The following RSF1 variants were observed in gnomAD, a reference collection of about 807,000 sequenced individuals.
RSF1 encodes HBV pX-associated protein 8.
A neutral mutation model predicts 145.2 loss-of-function variants in RSF1; 13 were observed. That is an observed-to-expected ratio of 0.09 (90% CI 0.06 to 0.14). RSF1 has a LOEUF of 0.14. Among genes scored for constraint, RSF1 ranks in the 10% least tolerant of loss-of-function variants. The pLI is 1.00. For missense variants in RSF1, 1,517 were observed against 1,718.2 expected (o/e 0.88, Z 2.07); for synonymous variants, 577 against 592.6 (o/e 0.97, Z 0.38).
intron 8 of RSF1, among the ~76,000 whole-genome samples, 198 bp from the exon 9 acceptor site, chr11:77,691,436 CACGTTAAAGAAACAT>C (rs1461860298): frequency 6.6e-6 from 1 of 152,126 alleles, no homozygotes; most frequent in Non-Finnish European, 1.5e-5. Flanking sequence ...AAATAAAGCA[CACGTTAAAGAAACAT>C]ACAGCTTTGC....
intron 8 of RSF1, chr11:77,691,611 A>T (rs560410571): frequency 6.2e-6 from 1 of 162,382 alleles, no homozygotes; most frequent in South Asian, 1.9e-4. Context: ...ACGATATAAC[A>T]TAATGATGCC....
At chr11:77,692,862 GAGAC>G (rs1466612225) in intron 8 of RSF1, among the ~76,000 whole-genome samples, 1 of 151,920 alleles carries the variant, frequency 6.6e-6, no homozygotes, top group Non-Finnish European at 1.5e-5. Context: ...ATTTTTAGTA[GAGAC>G]AGAGTTTCAC....
intron 3 of RSF1, among the ~76,000 whole-genome samples, chr11:77,743,836 T>TAA (rs1947968549): frequency 1.3e-5 from 2 of 152,344 alleles, no homozygotes; most frequent in South Asian, 4.1e-4. Flanking sequence ...TGGGTACATG[T>TAA]AAGCTGAGGG....
At chr11:77,803,290 G>C (rs997772878) in intron 1 of RSF1, among the ~76,000 whole-genome samples, 2 of 152,082 alleles carry the variant, frequency 1.3e-5, no homozygotes, top group Non-Finnish European at 2.9e-5. Context: ...CAGGACTACA[G>C]TTGCATGTCA....
At chr11:77,844,621 C>A in the RSF1 span, among the ~76,000 whole-genome samples, 3 of 152,112 alleles carry the variant, frequency 2.0e-5, no homozygotes, top group Admixed American at 2.0e-4. Context: ...CTTGGCCTCC[C>A]AAAATGCTGA....
intron 4 of RSF1, 103 bp downstream of exon 4, chr11:77,740,628 A>C: frequency 1.9e-6 from 2 of 1,058,930 alleles, no homozygotes; most frequent in South Asian, 2.8e-5. Flanking sequence ...CAAAACTCAC[A>C]CACAAAAAAC....
intron 1 of RSF1, among the ~76,000 whole-genome samples, chr11:77,807,815 T>C (rs997990670): frequency 1.3e-5 from 2 of 152,134 alleles, no homozygotes; most frequent in African/African-American, 2.4e-5. Context: ...CCGTAGTTAA[T>C]GACACACGAT....
At chr11:77,802,004 A>AAAT (rs537970490) in intron 1 of RSF1, among the ~76,000 whole-genome samples, 16 of 151,858 alleles carry the variant, frequency 1.1e-4, no homozygotes, top group African/African-American at 2.9e-4. Flanking sequence ...CATTTCTATA[A>AAAT]AATAATAATA....
intron 1 of RSF1, among the ~76,000 whole-genome samples, chr11:77,767,843 TGA>T (rs1248262352): frequency 6.6e-6 from 1 of 152,184 alleles, no homozygotes; most frequent in East Asian, 1.9e-4. Flanking sequence ...CACAGAATCA[TGA>T]AAGATTTTGA....
At position 77,762,025 on chromosome 11, in the gene RSF1, T is replaced by TTC. The variant is rs1345858657; in HGVS notation, c.279+2571_279+2572dup. ...ATTTTTTGTATTATTTTCTTTTCTT[T>TTC]TCTTTTTTTTTTTTTTTTTTTTTTG... is the stretch of plus-strand genomic sequence containing the variant. On this transcript the variant is annotated intron_variant, in intron 2 of 15. Transcript: ENST00000308488. 4 of 78,252 alleles carry TTC rather than the reference T, an allele frequency of 5.1e-5. No homozygotes were observed. The East Asian group carries it at 1.1e-3, about 22-fold the overall frequency. 4.8% of individuals were successfully genotyped at this position (78,252 alleles called of 1,614,324 possible). A position where few individuals can be genotyped will look rare whatever the true frequency, so the allele number is the denominator to read the frequency against.
At position 77,664,006 on chromosome 11, in the gene RSF1, A is replaced by T. The variant is rs1959298776; in HGVS notation, c.*2911T>A. On this transcript the variant is annotated 3_prime_UTR_variant, in exon 16 of 16. Transcript: ENST00000308488. ...GTTAGTGCTCTAAAAAAGATCCAAGACTGTCTAAACTCTACATCAATTACT... is the reference window on the plus strand; with the variant it reads ...GTTAGTGCTCTAAAAAAGATCCAAGTCTGTCTAAACTCTACATCAATTACT... The T allele has an allele frequency of 6.6e-6, 1 of 152,156 alleles. No individual in the cohort carries two copies. The highest frequency in any genetic ancestry group is 6.5e-5 in the Admixed American group (1 of 15,276). 9.4% of individuals were successfully genotyped at this position (152,156 alleles called of 1,614,324 possible).
chr11:77,748,287 C>T (rs1044417250), intron 2 of RSF1, among the ~76,000 whole-genome samples: 1 of 146,552 alleles, frequency 6.8e-6, no homozygotes, highest in Admixed American at 6.9e-5. Context: ...TACAGGGACA[C>T]GATCACAGCT....
intron 5 of RSF1, among the ~76,000 whole-genome samples, chr11:77,714,479 CTGTT>C (rs1475254551): frequency 6.6e-6 from 1 of 152,172 alleles, no homozygotes; most frequent in Non-Finnish European, 1.5e-5. Flanking sequence ...AAGATTTCTT[CTGTT>C]TCTTTCTCCT....
the RSF1 span, among the ~76,000 whole-genome samples, chr11:77,827,696 C>T: frequency 1.3e-5 from 2 of 152,152 alleles, no homozygotes; most frequent in Non-Finnish European, 2.9e-5. Context: ...TTCCTCCCTC[C>T]TAAGGTCAGG....
At chr11:77,810,511 C>A (rs765283928) in intron 1 of RSF1, among the ~76,000 whole-genome samples, 16 of 152,186 alleles carry the variant, frequency 1.1e-4, no homozygotes, top group Admixed American at 2.0e-4. Flanking sequence ...GTTTCATTCA[C>A]AGGACATTCT....
At chr11:77,678,776 C>G (rs1291089597) in intron 11 of RSF1, among the ~76,000 whole-genome samples, 2 of 152,082 alleles carry the variant, frequency 1.3e-5, no homozygotes, top group African/African-American at 4.8e-5. Flanking sequence ...ATCGGGTCTA[C>G]CCTAAAAACT....
At position 77,797,070 on chromosome 11, in the gene RSF1, A is replaced by C. The variant is rs973555850; in HGVS notation, c.187+23458T>G. Among the ~76,000 whole-genome samples, 13 of 152,346 alleles carry C rather than the reference A, an allele frequency of 8.5e-5. No homozygotes were observed. In the South Asian group the frequency reaches 1.5e-3, roughly 17 times the overall value. On this transcript the variant is annotated intron_variant, in intron 1 of 15. Transcript: ENST00000308488. ...GGATAGGAAGAATCAATACCGTGAA[A>C]ATGGCCATACTGCCAAAAGTAATTT... is the stretch of plus-strand genomic sequence containing the variant.
At chr11:77,761,597 C>G (rs1473049705) in intron 2 of RSF1, among the ~76,000 whole-genome samples, 2 of 152,258 alleles carry the variant, frequency 1.3e-5, no homozygotes, top group Admixed American at 6.5e-5. Flanking sequence ...TGTTATTTAG[C>G]ATAGTGGTAT....
rs202061238 is a variant in RSF1 at position 77,734,451 on chromosome 11, G to A, written c.578+6280C>T. On this transcript the variant is annotated intron_variant, in intron 4 of 15. Coordinates refer to ENST00000308488, the MANE Select transcript of RSF1 (RefSeq NM_016578.4). ...TTGGTGACCAGGGAAGTCACCCCACGGCTACGGGGAAATTAGCCGAGGCTT... is the reference window on the plus strand; with the variant it reads ...TTGGTGACCAGGGAAGTCACCCCACAGCTACGGGGAAATTAGCCGAGGCTT... 2.2e-4 allele frequency: 334 copies of A among 1,552,856 alleles called. 1 individual carries two copies. The highest frequency in any genetic ancestry group is 1.0e-4 in the Admixed American group (6 of 59,880).
Sources: allele counts gnomAD v4.1 joint callset (sites outside exome capture counted in the v4.1 genomes callset), GRCh38; gene constraint gnomAD v4.1.1; transcripts MANE v1.5; gene names NCBI Gene and HGNC (gene_info 2026-07-23, HGNC 2026-07-21).